Variants in GPHN observed in about 807,000 individuals in gnomAD.
GPHN encodes the protein gephyrin.
In GPHN, 17 loss-of-function variants were observed where a neutral mutation model predicts 95.5. The ratio of observed to expected loss-of-function variants is 0.18; its 90% CI spans 0.12 to 0.27. GPHN has a LOEUF of 0.27. Ranked by LOEUF, GPHN falls within the 10% of genes least tolerant of loss-of-function variation. The pLI is 1.00. For synonymous variants in GPHN, 320 were observed against 322.5 expected, an observed-to-expected ratio of 0.99 and a Z score of 0.08; for missense variants, 660 against 978.1, an observed-to-expected ratio of 0.67 and a Z score of 4.34.
chr14:67,668,290 A>G, the GPHN span, among the ~76,000 whole-genome samples: 1 of 152,228 alleles, frequency 6.6e-6, no homozygotes, highest in Non-Finnish European at 1.5e-5. Flanking sequence ...ACCTCTTCAG[A>G]GGTTGTAAAA....
chr14:67,700,672 G>A, the GPHN span, among the ~76,000 whole-genome samples: 1 of 149,298 alleles, frequency 6.7e-6, no homozygotes, highest in Admixed American at 6.7e-5. Context: ...CCTAGATCGC[G>A]GCACTGCACT....
the GPHN span, among the ~76,000 whole-genome samples, chr14:67,272,281 G>A: frequency 6.6e-6 from 1 of 151,992 alleles, no homozygotes; most frequent in African/African-American, 2.4e-5. Flanking sequence ...TTAGTTCAAC[G>A]AGCCTTATTT....
In GPHN at chr14:67,059,329, G is replaced by A. The variant is rs114270569; in HGVS notation, c.1144+543G>A. Among the ~76,000 whole-genome samples, 581 of 152,226 alleles carry A rather than the reference G, an allele frequency of 3.8e-3. 6 individuals are homozygous for A. The highest frequency in any genetic ancestry group is 0.013 in the African/African-American group (543 of 41,536). The stretch of plus-strand genomic sequence containing the variant: ...AACAACTTCCATTTCTAAAAATTCA[G>A]CATAGGAGTTGTATTTAGGCATCCA... On this transcript the variant is annotated intron_variant, in intron 11 of 22. Coordinates refer to ENST00000478722, the MANE Select transcript of GPHN (RefSeq NM_020806.5).
chr14:67,643,701 AC>A, the GPHN span, among the ~76,000 whole-genome samples: 1 of 152,094 alleles, frequency 6.6e-6, no homozygotes, highest in African/African-American at 2.4e-5. Context: ...TTATCCAAGG[AC>A]TAGAACCAGG....
chr14:67,254,100 G>C, the GPHN span: 1 of 132,046 alleles, frequency 7.6e-6, no homozygotes, highest in South Asian at 2.3e-4. Context: ...TACAGTTCTA[G>C]TGTGGCATTT....
chr14:67,283,934 G>T, the GPHN span, among the ~76,000 whole-genome samples: 3 of 152,116 alleles, frequency 2.0e-5, no homozygotes, highest in African/African-American at 7.2e-5. Context: ...AAATGTATGC[G>T]GTAGCTGCAT....
chr14:67,374,840 G>C, the GPHN span, among the ~76,000 whole-genome samples: 240 of 152,298 alleles, frequency 1.6e-3, no homozygotes, highest in African/African-American at 5.5e-3. Flanking sequence ...TGAGCTTCAA[G>C]TGATCCTTGA....
the GPHN span, among the ~76,000 whole-genome samples, chr14:67,445,779 A>T: frequency 6.6e-6 from 1 of 151,196 alleles, no homozygotes; most frequent in Non-Finnish European, 1.5e-5. Context: ...TAGAGATGGG[A>T]TTTTGCCATG....
chr14:66,696,210 A>G (rs966285770), intron 2 of GPHN, among the ~76,000 whole-genome samples: 8 of 152,244 alleles, frequency 5.3e-5, no homozygotes, highest in Non-Finnish European at 7.3e-5. Context: ...TGGTTATCTC[A>G]TAAACAAAAT....
At chr14:66,615,325 C>G (rs1595245940) in intron 1 of GPHN, among the ~76,000 whole-genome samples, 2 of 152,164 alleles carry the variant, frequency 1.3e-5, no homozygotes. Context: ...TACATTCCCA[C>G]CAGCAGAGTA....
chr14:66,556,406 G>C (rs2060009513), intron 1 of GPHN, among the ~76,000 whole-genome samples: 1 of 152,176 alleles, frequency 6.6e-6, no homozygotes, highest in Admixed American at 6.5e-5. Flanking sequence ...TGACTCTAAA[G>C]AGATGTCGTT....
chr14:67,127,173 C>CA (rs1290437110), intron 17 of GPHN, among the ~76,000 whole-genome samples: 2 of 151,166 alleles, frequency 1.3e-5, no homozygotes, highest in African/African-American at 4.9e-5. Context: ...TTAGTGGGTG[C>CA]AGCGCACCAG....
the GPHN span, among the ~76,000 whole-genome samples, chr14:67,638,226 A>G: frequency 6.6e-6 from 1 of 152,164 alleles, no homozygotes; most frequent in African/African-American, 2.4e-5. Context: ...AATATTATGT[A>G]TTATGCCTAT....
At chr14:67,522,065 T>C in the GPHN span, among the ~76,000 whole-genome samples, 1 of 152,064 alleles carries the variant, frequency 6.6e-6, no homozygotes, top group African/African-American at 2.4e-5. Context: ...TCCCAGCTAC[T>C]GGGAGGCTGA....
chr14:67,727,196 T>C, the GPHN span: 3 of 1,608,750 alleles, frequency 1.9e-6, no homozygotes, highest in Non-Finnish European at 2.5e-6. Context: ...CCAAGGTAAG[T>C]CTGGAGAAAG....
the GPHN span, chr14:67,616,109 GT>G: frequency 8.8e-5 from 24 of 271,492 alleles, no homozygotes; most frequent in South Asian, 2.4e-4. Context: ...TTCGAGTGCA[GT>G]TTTTTTTCTT....
the GPHN span, among the ~76,000 whole-genome samples, chr14:67,380,453 CTA>C: frequency 6.6e-6 from 1 of 152,070 alleles, no homozygotes; most frequent in African/African-American, 2.4e-5. Flanking sequence ...AGTCAGATCA[CTA>C]AAATTTTGAT....
chr14:67,343,385 A>G, the GPHN span: 1 of 1,612,228 alleles, frequency 6.2e-7, no homozygotes, highest in South Asian at 1.1e-5. Flanking sequence ...GTTCAATGGC[A>G]TTTACACGCC....
At chr14:67,118,386 A>G (rs972205253) in intron 16 of GPHN, among the ~76,000 whole-genome samples, 2 of 152,158 alleles carry the variant, frequency 1.3e-5, no homozygotes, top group Non-Finnish European at 2.9e-5. Flanking sequence ...AAAGTTTGAT[A>G]TATAAATTCC....
Sources: gnomAD v4.1 joint callset for allele counts (sites outside exome capture counted in the v4.1 genomes callset) on GRCh38, gnomAD v4.1.1 for gene constraint, MANE v1.5 for transcripts, NCBI Gene and HGNC (gene_info 2026-07-23, HGNC 2026-07-21) for gene names.